Variants in C1orf21 observed in about 807,000 individuals in gnomAD.
The protein encoded by C1orf21 is uncharacterized protein C1orf21.
C1orf21 carries 3 observed loss-of-function variants against 18.7 expected under a neutral mutation model. The observed-to-expected ratio is 0.16, with a 90% CI of 0.07 to 0.42. The LOEUF (loss-of-function observed/expected upper bound fraction) is 0.42. Ranked by LOEUF, C1orf21 falls within the 10% of genes least tolerant of loss-of-function variation. C1orf21 has a pLI of 0.99. For synonymous variants in C1orf21, 41 were observed against 46.4 expected (o/e 0.88, Z 0.47); for missense variants, 104 against 143.6 (o/e 0.72, Z 1.41).
intron 1 of C1orf21, among the ~76,000 whole-genome samples, chr1:184,406,118 C>T (rs749062496): frequency 6.6e-6 from 1 of 152,166 alleles, no homozygotes; most frequent in Non-Finnish European, 1.5e-5. Context: ...GATAAAATCT[C>T]TTACATGTGT....
At chr1:184,534,773 G>T (rs1658521968) in intron 3 of C1orf21, among the ~76,000 whole-genome samples, 1 of 152,140 alleles carries the variant, frequency 6.6e-6, no homozygotes. Context: ...CAGTTGAACA[G>T]GTAACTCTGT....
chr1:184,612,258 C>T (rs995421300), intron 5 of C1orf21, among the ~76,000 whole-genome samples: 4 of 152,182 alleles, frequency 2.6e-5, no homozygotes, highest in African/African-American at 9.6e-5. Context: ...CACTTCCAGA[C>T]AGAAAGAAGC....
intron 1 of C1orf21, among the ~76,000 whole-genome samples, chr1:184,457,983 C>T (rs946161164): frequency 3.3e-5 from 5 of 152,124 alleles, no homozygotes; most frequent in African/African-American, 1.2e-4. Context: ...TCAGAATGAT[C>T]CTGTAAGGTA....
At chr1:184,477,738 A>G (rs1657594244) in intron 2 of C1orf21, 135 bp downstream of exon 2, 1 of 683,914 alleles carries the variant, frequency 1.5e-6, no homozygotes, top group Non-Finnish European at 2.5e-6. Flanking sequence ...GTAACGATCA[A>G]GTCGGTATTT....
chr1:184,444,651 A>G (rs1478124033), intron 1 of C1orf21, among the ~76,000 whole-genome samples: 1 of 152,166 alleles, frequency 6.6e-6, no homozygotes, highest in African/African-American at 2.4e-5. Flanking sequence ...TTGGGAAGTT[A>G]TGTTAATTTG....
chr1:184,498,663 C>CT (rs1430874344), intron 2 of C1orf21, among the ~76,000 whole-genome samples: 3 of 152,108 alleles, frequency 2.0e-5, no homozygotes, highest in Non-Finnish European at 4.4e-5. Flanking sequence ...ATGTGAGATA[C>CT]TATATTAGTA....
intron 2 of C1orf21, among the ~76,000 whole-genome samples, chr1:184,480,539 G>A (rs1034401123): frequency 4.6e-5 from 7 of 152,166 alleles, no homozygotes; most frequent in Non-Finnish European, 7.4e-5. Flanking sequence ...AGCACCATGT[G>A]TATTTTGCAG....
intron 1 of C1orf21, among the ~76,000 whole-genome samples, chr1:184,471,952 A>G (rs932536641): frequency 6.6e-6 from 1 of 152,058 alleles, no homozygotes; most frequent in African/African-American, 2.4e-5. Context: ...CTCTTTATGT[A>G]TTATTTTTAA....
intron 5 of C1orf21, among the ~76,000 whole-genome samples, chr1:184,607,695 G>GTA (rs1222638106): frequency 1.4e-5 from 2 of 147,832 alleles, no homozygotes; most frequent in African/African-American, 2.5e-5. Flanking sequence ...ATATGTGTGT[G>GTA]TATATATATA....
chr1:184,476,363 G>A (rs1032874581), intron 1 of C1orf21, among the ~76,000 whole-genome samples: 13 of 152,162 alleles, frequency 8.5e-5, no homozygotes, highest in African/African-American at 3.1e-4. Flanking sequence ...GGAGGTAAGG[G>A]CCTGTATTAC....
chr1:184,613,733 A>G (rs963797680), intron 5 of C1orf21, among the ~76,000 whole-genome samples: 1 of 152,168 alleles, frequency 6.6e-6, no homozygotes, highest in African/African-American at 2.4e-5. Context: ...GGACTCCATT[A>G]GGTACCCAAA....
At chr1:184,610,833 C>A (rs1045496127) in intron 5 of C1orf21, among the ~76,000 whole-genome samples, 1 of 142,422 alleles carries the variant, frequency 7.0e-6, no homozygotes, top group African/African-American at 2.7e-5. Context: ...AGCAACAGAG[C>A]GAGACTCTGA....
chr1:184,546,967 G>T (rs1001904646), intron 3 of C1orf21, among the ~76,000 whole-genome samples: 1 of 152,230 alleles, frequency 6.6e-6, no homozygotes, highest in African/African-American at 2.4e-5. Flanking sequence ...AAATCTGGCT[G>T]ATCTGGAGGA....
chr1:184,522,281 T>C (rs186386110), intron 3 of C1orf21, among the ~76,000 whole-genome samples: 1 of 152,162 alleles, frequency 6.6e-6, no homozygotes, highest in Non-Finnish European at 1.5e-5. Context: ...TATACATGTG[T>C]ATATGGTTGC....
chr1:184,416,563 C>G lies in C1orf21; in HGVS notation c.-125+29195C>G, dbSNP rs78056622. Among the ~76,000 whole-genome samples, 1,509 of 152,156 alleles carry G rather than the reference C, an allele frequency of 9.9e-3. 11 individuals carry two copies. The highest frequency in any genetic ancestry group is 0.018 in the South Asian group (87 of 4,818). Reference sequence around the variant, plus strand: ...TCCAGCACAAATCACTTTTGGAACTCTTGAATTTCCCTTCAAAGTCAGGTA... The same window carrying G: ...TCCAGCACAAATCACTTTTGGAACTGTTGAATTTCCCTTCAAAGTCAGGTA... On this transcript the variant is annotated intron_variant, in intron 1 of 5. Transcript: ENST00000235307.
chr1:184,577,953 GTTT>G, intron 3 of C1orf21, among the ~76,000 whole-genome samples: 1 of 108,944 alleles, frequency 9.2e-6, no homozygotes. Context: ...TTTTGTTTTT[GTTT>G]TTTTTTTTTT....
At chr1:184,475,633 C>G (rs1044093291) in intron 1 of C1orf21, among the ~76,000 whole-genome samples, 9 of 152,150 alleles carry the variant, frequency 5.9e-5, no homozygotes, top group Admixed American at 2.0e-4. Context: ...ATGTCAGCAT[C>G]TCTTCTCCAT....
intron 3 of C1orf21, among the ~76,000 whole-genome samples, chr1:184,576,549 C>T (rs1467913498): frequency 6.6e-6 from 1 of 152,242 alleles, no homozygotes; most frequent in Non-Finnish European, 1.5e-5. Context: ...TGTGCATTGC[C>T]CTAGCCAACT....
At chr1:184,396,113 T>C (rs1237115155) in intron 1 of C1orf21, among the ~76,000 whole-genome samples, 1 of 152,142 alleles carries the variant, frequency 6.6e-6, no homozygotes, top group African/African-American at 2.4e-5. Context: ...CCACATATGA[T>C]AGAGAGCAAT....
Sources: gnomAD v4.1 joint callset for allele counts (sites outside exome capture counted in the v4.1 genomes callset) on GRCh38, gnomAD v4.1.1 for gene constraint, MANE v1.5 for transcripts, NCBI Gene and HGNC (gene_info 2026-07-23, HGNC 2026-07-21) for gene names.